SERPINI1: variants seen among roughly 807,000 people sequenced by gnomAD.
SERPINI1 encodes the protein neuroserpin.
Under a neutral mutation model 41.1 loss-of-function variants are expected in SERPINI1, and 19 were observed. The ratio of observed to expected loss-of-function variants is 0.46; its 90% confidence interval spans 0.32 to 0.68. The LOEUF (loss-of-function observed/expected upper bound fraction) is 0.68. SERPINI1 is among the 30% of genes least tolerant of loss of function. The pLI is 0.03. For missense variants in SERPINI1, 460 were observed against 479.2 expected, an observed-to-expected ratio of 0.96 and a Z score of 0.37; for synonymous variants, 138 against 156.6, an observed-to-expected ratio of 0.88 and a Z score of 0.89.
At chr3:167,768,980 T>TTTTGTTTG (rs58300423) in intron 1 of SERPINI1, among the ~76,000 whole-genome samples, 7,746 of 150,218 alleles carry the variant, frequency 0.052, 264 homozygotes, top group African/African-American at 0.081. Context: ...AATTTTGTTC[T>TTTTGTTTG]TTTGTTTGTT....
At chr3:167,765,138 A>G (rs1311332431) in intron 1 of SERPINI1, among the ~76,000 whole-genome samples, 2 of 152,126 alleles carry the variant, frequency 1.3e-5, no homozygotes, top group Non-Finnish European at 2.9e-5. Context: ...CTCTCCTCAC[A>G]TATCCACTAG....
At chr3:167,812,675 C>T (rs1711934062) in intron 6 of SERPINI1, among the ~76,000 whole-genome samples, 1 of 152,184 alleles carries the variant, frequency 6.6e-6, no homozygotes, top group Non-Finnish European at 1.5e-5. Context: ...GTGCTTTCTG[C>T]TTAGGACCTA....
At chr3:167,777,313 G>A (rs1269260837) in intron 1 of SERPINI1, among the ~76,000 whole-genome samples, 1 of 150,080 alleles carries the variant, frequency 6.7e-6, no homozygotes, top group African/African-American at 2.4e-5. Flanking sequence ...TTTCTTTATT[G>A]ACATTATCTT....
intron 1 of SERPINI1, among the ~76,000 whole-genome samples, chr3:167,764,153 C>T (rs1470863117): frequency 6.6e-6 from 1 of 152,034 alleles, no homozygotes; most frequent in East Asian, 1.9e-4. Flanking sequence ...AAAAAGAAAA[C>T]TGACCACAGA....
intron 1 of SERPINI1, among the ~76,000 whole-genome samples, chr3:167,755,284 G>A (rs1458220518): frequency 6.6e-6 from 1 of 152,118 alleles, no homozygotes; most frequent in African/African-American, 2.4e-5. Context: ...GCATTATCAC[G>A]ATCACTCCAA....
chr3:167,782,235 G>C (rs1303868984), intron 1 of SERPINI1, among the ~76,000 whole-genome samples: 1 of 152,168 alleles, frequency 6.6e-6, no homozygotes, highest in Non-Finnish European at 1.5e-5. Context: ...CTGGCATTTT[G>C]TAGACTAATG....
intron 6 of SERPINI1, among the ~76,000 whole-genome samples, chr3:167,820,973 G>A (rs1220209455): frequency 6.6e-6 from 1 of 152,166 alleles, no homozygotes; most frequent in Non-Finnish European, 1.5e-5. Flanking sequence ...CAGATGACAG[G>A]ATGACCTGCC....
intron 5 of SERPINI1, among the ~76,000 whole-genome samples, chr3:167,803,183 G>A (rs1401969964): frequency 1.3e-5 from 2 of 151,730 alleles, no homozygotes; most frequent in Non-Finnish European, 1.5e-5. Flanking sequence ...GCTAGATGAC[G>A]AGTTAGTGGG....
chr3:167,792,476 T>G, intron 3 of SERPINI1, 114 bp from the exon 4 acceptor site: 1 of 750,840 alleles, frequency 1.3e-6, no homozygotes, highest in East Asian at 2.7e-5. Context: ...CATTGTAAAT[T>G]TGGTGTACAG....
intron 6 of SERPINI1, among the ~76,000 whole-genome samples, chr3:167,818,917 A>G (rs1354475313): frequency 6.6e-6 from 1 of 152,170 alleles, no homozygotes; most frequent in Non-Finnish European, 1.5e-5. Flanking sequence ...GTCTTTGAGG[A>G]GAACCCCTTT....
intron 1 of SERPINI1, among the ~76,000 whole-genome samples, chr3:167,767,351 A>C (rs1726600547): frequency 6.6e-6 from 1 of 152,110 alleles, no homozygotes; most frequent in South Asian, 2.1e-4. Context: ...GTTCCTTTCA[A>C]AATATTACTG....
intron 1 of SERPINI1, among the ~76,000 whole-genome samples, chr3:167,736,812 G>A (rs904827347): frequency 6.6e-6 from 1 of 152,132 alleles, no homozygotes; most frequent in African/African-American, 2.4e-5. Flanking sequence ...ACCTACCTTT[G>A]TGTAATTATG....
chr3:167,801,580 A>T (rs1560012986), intron 5 of SERPINI1, among the ~76,000 whole-genome samples: 1 of 150,282 alleles, frequency 6.7e-6, no homozygotes, highest in Non-Finnish European at 1.5e-5. Flanking sequence ...TTTAAGCTTC[A>T]GTTTAGCCTT....
chr3:167,809,032 C>G (rs1314889362), intron 6 of SERPINI1, among the ~76,000 whole-genome samples: 1 of 152,116 alleles, frequency 6.6e-6, no homozygotes. Flanking sequence ...TAGAGCTTTT[C>G]TAAATGTCTA....
Position 167,750,194 on chromosome 3 carries a change from C to G in SERPINI1, c.-19+14371C>G, listed in dbSNP as rs527453719. On this transcript the variant is annotated intron_variant, in intron 1 of 8. Coordinates refer to ENST00000446050, the MANE Select transcript of SERPINI1 (RefSeq NM_001122752.2). The stretch of plus-strand genomic sequence containing the variant: ...TTCAGAGAAATTAAAGAAACCAAAG[C>G]TTTGCTTTTTTTTCTGGATGTCACT... Among the ~76,000 whole-genome samples the G allele has an allele frequency of 4.7e-4, 71 of 152,248 alleles. No individual in the cohort carries two copies. The South Asian group carries it at 0.014, about 30-fold the overall frequency.
At chr3:167,801,782 AG>A (rs1377640045) in intron 5 of SERPINI1, among the ~76,000 whole-genome samples, 2 of 152,204 alleles carry the variant, frequency 1.3e-5, no homozygotes, top group African/African-American at 4.8e-5. Context: ...ATAAATAATC[AG>A]TATTTTTCAA....
chr3:167,808,147 A>AATAAATAAATAAATAAAT (rs1711723255), intron 6 of SERPINI1, among the ~76,000 whole-genome samples: 1 of 151,498 alleles, frequency 6.6e-6, no homozygotes, highest in African/African-American at 2.4e-5. Flanking sequence ...TAAATAAATA[A>AATAAATAAATAAATAAAT]ATAAATAAAT....
At position 167,779,437 on chromosome 3, in the gene SERPINI1, A is replaced by G. The variant is rs114378083; in HGVS notation, c.-18-9674A>G. On this transcript the variant is annotated intron_variant, in intron 1 of 8. Coordinates refer to ENST00000446050, the MANE Select transcript of SERPINI1 (RefSeq NM_001122752.2). ...TAGATGCAAACTGGCCAATATCCACAGGGCAATAATCAATTGCATTCCACT... is the reference window on the plus strand; with the variant it reads ...TAGATGCAAACTGGCCAATATCCACGGGGCAATAATCAATTGCATTCCACT... Among the ~76,000 whole-genome samples, 591 of 152,314 alleles carry G rather than the reference A, an allele frequency of 3.9e-3. 1 individual carries two copies. Among genetic ancestry groups the G allele is most frequent in the African/African-American group, 0.014 (567 of 41,574 alleles).
intron 1 of SERPINI1, among the ~76,000 whole-genome samples, chr3:167,747,709 C>T (rs1457567451): frequency 6.6e-6 from 1 of 151,980 alleles, no homozygotes; most frequent in East Asian, 1.9e-4. Flanking sequence ...TTATGATATG[C>T]GAACTATATT....
Sources: allele counts gnomAD v4.1 joint callset (sites outside exome capture counted in the v4.1 genomes callset), GRCh38; gene constraint gnomAD v4.1.1; transcripts MANE v1.5; gene names NCBI Gene and HGNC (gene_info 2026-07-23, HGNC 2026-07-21).